The following MARCHF1 variants were observed in gnomAD, a reference collection of about 807,000 sequenced individuals.
MARCHF1 encodes E3 ubiquitin-protein ligase MARCHF1.
Under a neutral mutation model 54.2 loss-of-function variants are expected in MARCHF1, and 40 were observed. The observed-to-expected ratio is 0.74, with a 90% CI of 0.57 to 0.96. The LOEUF (loss-of-function observed/expected upper bound fraction) is 0.96. Ranked by LOEUF, MARCHF1 falls within the 40% of genes least tolerant of loss-of-function variation. The pLI is 0.00. For missense variants in MARCHF1, 586 were observed against 656.5 expected, an observed-to-expected ratio of 0.89 and a Z score of 1.17; for synonymous variants, 236 against 236.3, an observed-to-expected ratio of 1.00 and a Z score of 0.01.
intron 2 of MARCHF1, among the ~76,000 whole-genome samples, chr4:164,023,339 C>A (rs1753704305): frequency 1.3e-5 from 2 of 152,122 alleles, no homozygotes; most frequent in Admixed American, 6.5e-5. Context: ...GTCTTCCCTG[C>A]ACACTACAGA....
At chr4:163,854,969 C>G (rs1055515778) in intron 3 of MARCHF1, among the ~76,000 whole-genome samples, 13 of 152,220 alleles carry the variant, frequency 8.5e-5, no homozygotes, top group African/African-American at 3.1e-4. Context: ...TATTGCAGGT[C>G]TTTAGTTAAA....
At chr4:163,950,768 G>A (rs1174952736) in intron 3 of MARCHF1, among the ~76,000 whole-genome samples, 1 of 152,224 alleles carries the variant, frequency 6.6e-6, no homozygotes, top group Non-Finnish European at 1.5e-5. Context: ...TTAACTTAGG[G>A]AGATCAAACA....
intron 1 of MARCHF1, among the ~76,000 whole-genome samples, chr4:164,370,722 A>C (rs1356474093): frequency 1.3e-5 from 2 of 152,106 alleles, no homozygotes; most frequent in African/African-American, 4.8e-5. Context: ...CAGCCTCACC[A>C]ACACGGCGAA....
Position 163,552,185 on chromosome 4 carries a change from CTCT to C in MARCHF1, c.1192-6445_1192-6443del, listed in dbSNP as rs1268504162. ...ACTATTTTCTGATTAAGTGCAGCTC[CTCT>C]GTCTCTCCTGATAACAGTACAAGAA... On this transcript the variant is annotated intron_variant, in intron 8 of 9. Transcript: ENST00000514618. 7.2e-5 allele frequency among the ~76,000 whole-genome samples: 11 copies of C among 152,310 alleles called. No homozygotes were observed. In the East Asian group the frequency reaches 2.1e-3, roughly 29 times the overall value.
At chr4:164,349,019 G>A (rs1023253711) in intron 1 of MARCHF1, among the ~76,000 whole-genome samples, 1 of 152,074 alleles carries the variant, frequency 6.6e-6, no homozygotes, top group East Asian at 1.9e-4. Context: ...CTCTATCTGG[G>A]AAGGCTTTAC....
chr4:164,162,230 T>C (rs1372773831), intron 1 of MARCHF1, among the ~76,000 whole-genome samples: 1 of 152,078 alleles, frequency 6.6e-6, no homozygotes, highest in Non-Finnish European at 1.5e-5. Flanking sequence ...CAAATAGAAC[T>C]TCTAGAATCT....
chr4:163,838,089 G>A (rs1257400447), intron 4 of MARCHF1, among the ~76,000 whole-genome samples: 1 of 152,098 alleles, frequency 6.6e-6, no homozygotes, highest in Non-Finnish European at 1.5e-5. Context: ...TCAAATAAGT[G>A]ATATAGGGAA....
At chr4:164,014,114 C>T (rs1753485494) in intron 2 of MARCHF1, among the ~76,000 whole-genome samples, 1 of 151,794 alleles carries the variant, frequency 6.6e-6, no homozygotes. Flanking sequence ...ATTGTTTGAA[C>T]CCAGGAGGCA....
chr4:163,733,830 A>C (rs1039613228), intron 4 of MARCHF1, among the ~76,000 whole-genome samples: 2 of 152,210 alleles, frequency 1.3e-5, no homozygotes, highest in African/African-American at 4.8e-5. Flanking sequence ...GGCTTTTATC[A>C]AAATAAAGAA....
At chr4:164,137,444 T>A (rs1162718575) in intron 1 of MARCHF1, among the ~76,000 whole-genome samples, 1 of 152,174 alleles carries the variant, frequency 6.6e-6, no homozygotes, top group Non-Finnish European at 1.5e-5. Context: ...ACATATTTCA[T>A]GCAACATCAA....
chr4:163,805,347 GAAAT>G (rs1373150859), intron 4 of MARCHF1, among the ~76,000 whole-genome samples: 1 of 147,686 alleles, frequency 6.8e-6, no homozygotes, highest in East Asian at 2.0e-4. Flanking sequence ...GAAAGTAAAA[GAAAT>G]AAAATATTTC....
intron 1 of MARCHF1, among the ~76,000 whole-genome samples, chr4:164,360,848 A>C (rs1730702608): frequency 6.6e-6 from 1 of 152,134 alleles, no homozygotes; most frequent in African/African-American, 2.4e-5. Context: ...TTAGTGGAGA[A>C]TACCTGAACC....
chr4:163,547,180 G>A (rs1383046746), intron 8 of MARCHF1, among the ~76,000 whole-genome samples: 2 of 152,214 alleles, frequency 1.3e-5, no homozygotes, highest in East Asian at 1.9e-4. Flanking sequence ...GCTTTGAGAC[G>A]TGGTTAAAAT....
rs199734198 is a variant in MARCHF1, at chr4:164,080,648, T to TTGTGTGTGTG, written c.-248+30930_-248+30939dup. 4.5e-3 allele frequency among the ~76,000 whole-genome samples: 668 copies of TTGTGTGTGTG among 150,076 alleles called. 10 individuals are homozygous for TTGTGTGTGTG. The highest frequency in any genetic ancestry group is 0.016 in the African/African-American group (646 of 40,612). On this transcript the variant is annotated intron_variant, in intron 2 of 9. Coordinates refer to ENST00000514618, the MANE Select transcript of MARCHF1 (RefSeq NM_001394959.1). Reference sequence around the variant, plus strand: ...TTCAAAGAAATCTAATAGTATTCTATTGTGTGTGTGTGTGTGTGTGTGTAT... The same window carrying TTGTGTGTGTG: ...TTCAAAGAAATCTAATAGTATTCTATTGTGTGTGTGTGTGTGTGTGTGTGTGTGTGTGTAT...
intron 4 of MARCHF1, among the ~76,000 whole-genome samples, chr4:163,794,123 C>G (rs1401921073): frequency 6.6e-6 from 1 of 152,134 alleles, no homozygotes; most frequent in Non-Finnish European, 1.5e-5. Flanking sequence ...ACTATTTGTA[C>G]TACATTTTAA....
At chr4:163,931,137 A>G (rs532156697) in intron 3 of MARCHF1, among the ~76,000 whole-genome samples, 4 of 152,274 alleles carry the variant, frequency 2.6e-5, no homozygotes, top group African/African-American at 9.6e-5. Context: ...ACGTGCAAGC[A>G]AGGAAGACAA....
intron 1 of MARCHF1, among the ~76,000 whole-genome samples, chr4:164,292,727 G>T (rs1461152671): frequency 6.6e-6 from 1 of 151,930 alleles, no homozygotes; most frequent in Non-Finnish European, 1.5e-5. Context: ...TAAAATAAGT[G>T]CATCTTACAA....
chr4:164,043,950 A>G (rs2111026337), intron 2 of MARCHF1, among the ~76,000 whole-genome samples: 1 of 152,314 alleles, frequency 6.6e-6, no homozygotes, highest in South Asian at 2.1e-4. Flanking sequence ...GCATAGCAAG[A>G]GTCACCTTTA....
chr4:164,034,525 T>C (rs980005299), intron 2 of MARCHF1, among the ~76,000 whole-genome samples: 1 of 152,160 alleles, frequency 6.6e-6, no homozygotes, highest in Non-Finnish European at 1.5e-5. Context: ...TGCAACTGAA[T>C]TGGAGCATTT....
Sources: gnomAD v4.1 joint callset for allele counts (sites outside exome capture counted in the v4.1 genomes callset) on GRCh38, gnomAD v4.1.1 for gene constraint, MANE v1.5 for transcripts, NCBI Gene and HGNC (gene_info 2026-07-23, HGNC 2026-07-21) for gene names.